The following ITGA7 variants were observed in gnomAD, a reference collection of about 807,000 sequenced individuals.
ITGA7 encodes integrin alpha-7.
ITGA7 carries 84 observed loss-of-function variants against 131.6 expected under a neutral mutation model. The observed-to-expected ratio is 0.64, with a 90% CI of 0.54 to 0.77. The LOEUF (loss-of-function observed/expected upper bound fraction) is 0.77, where lower values mean the gene tolerates loss of function less well. ITGA7 is among the 30% of genes least tolerant of loss of function. The probability of loss-of-function intolerance (pLI) is 0.00; values close to 1 mark genes in which losing one functional copy is unlikely to be tolerated. For synonymous variants in ITGA7, 548 were observed against 600.7 expected (o/e 0.91, Z 1.28); for missense variants, 1,399 against 1,482.9 (o/e 0.94, Z 0.93).
rs912208525 is a variant in ITGA7 at position 55,698,629 on chromosome 12, G to A, written c.999-53C>T. 8 of 1,612,240 alleles carry A rather than the reference G, an allele frequency of 5.0e-6. No homozygotes were observed. The Admixed American group carries it at 1.2e-4, about 24-fold the overall frequency. ...GGGTCCTCCCTGGCCAGAGGAGCCA[G>A]CAGGAGGCTAAGTGGCCTCAGCCAG... On this transcript the variant is annotated intron_variant, in intron 6 of 24. Coordinates refer to ENST00000257879, the MANE Select transcript of ITGA7 (RefSeq NM_002206.3).
In ITGA7 at chr12:55,700,118, G is replaced by A. The variant is rs528834555; in HGVS notation, c.671-129C>T. 7.2e-5 allele frequency: 102 copies of A among 1,425,328 alleles called. No homozygotes were observed. In the East Asian group the frequency reaches 2.1e-3, roughly 30 times the overall value. 88.3% of individuals were successfully genotyped at this position (1,425,328 alleles called of 1,614,324 possible). On this transcript the variant is annotated intron_variant, in intron 4 of 24. Transcript: ENST00000257879. ...GAGGTGGAGAGAGAAAAAGAGACCA[G>A]AGAGATCACAGCCAGAGACAGAAAG...
upstream of ITGA7, among the ~76,000 whole-genome samples, chr12:55,710,729 C>CT (rs1309613235): frequency 4.6e-5 from 7 of 152,204 alleles, no homozygotes; most frequent in African/African-American, 1.7e-4. Flanking sequence ...TGCCACTGCA[C>CT]TCCAGCCTGG....
intron 1 of ITGA7, among the ~76,000 whole-genome samples, chr12:55,706,510 T>C (rs956713339): frequency 1.3e-5 from 2 of 152,122 alleles, no homozygotes; most frequent in Admixed American, 6.5e-5. Flanking sequence ...TAGGCACTGG[T>C]TGAAGAGAGA....
Position 55,699,874 on chromosome 12 carries a change from G to A in ITGA7, c.786C>T (p.Tyr262=). The A allele has an allele frequency of 6.2e-7, 1 of 1,606,118 alleles. No homozygotes were observed. The change falls in exon 5 of 25, where the codon TAC becomes TAT. Residue 262 remains tyrosine, a synonymous_variant. Transcript: ENST00000257879. ...AGGAGGTGGGAGCTTACAAACCTAA[G>A]TAGCTATTGAGGGCCAAGTCTCCGG... ...GPAGDLALNS[Y]LGFSIDSGKG...
intron 2 of ITGA7, 46 bp downstream of exon 2, chr12:55,703,005 C>T: frequency 6.2e-7 from 1 of 1,613,756 alleles, no homozygotes; most frequent in Non-Finnish European, 8.5e-7. Context: ...AAGTCCTCTC[C>T]TCCCCGCTCA....
chr12:55,688,240 A>G lies in ITGA7; in HGVS notation c.3019T>C (p.Ser1007Pro). The change falls in exon 23 of 25, where the codon TCC becomes CCC. Residue 1007 changes from serine (S) to proline (P), a missense_variant. Transcript: ENST00000257879. ...IVRANITVKS[S>P]IKNLMLRDAS... ...TCTCGGAGCATCAAGTTCTTTATGGAGGACTTCACTGTGATGTTGGCCCGG... is the reference window on the plus strand; with the variant it reads ...TCTCGGAGCATCAAGTTCTTTATGGGGGACTTCACTGTGATGTTGGCCCGG... The G allele has an allele frequency of 6.2e-7, 1 of 1,614,122 alleles. No individual in the cohort carries two copies. The highest frequency in any genetic ancestry group is 1.1e-5 in the South Asian group (1 of 91,078).
upstream of ITGA7, among the ~76,000 whole-genome samples, chr12:55,709,646 G>A (rs145991869): frequency 5.7e-3 from 874 of 152,246 alleles, 7 homozygotes; most frequent in African/African-American, 0.02. Flanking sequence ...GCAAAATTAG[G>A]ACAGAACTGG....
At chr12:55,713,173 T>G (rs1002485248), upstream of ITGA7, among the ~76,000 whole-genome samples, 1 of 152,160 alleles carries the variant, frequency 6.6e-6, no homozygotes, top group Non-Finnish European at 1.5e-5. Flanking sequence ...CTGCCTCTAT[T>G]TTGCTTGCTC....
upstream of ITGA7, among the ~76,000 whole-genome samples, chr12:55,713,508 T>C (rs1035441523): frequency 1.3e-5 from 2 of 152,240 alleles, no homozygotes; most frequent in Non-Finnish European, 2.9e-5. Flanking sequence ...ACTAATGAAC[T>C]CTATTACTTA....
rs750909465 is a variant in ITGA7 at position 55,685,298 on chromosome 12, C to T, written c.3184-10G>A. The T allele has an allele frequency of 2.5e-6, 4 of 1,613,344 alleles. No homozygotes were observed. The African/African-American group carries it at 5.3e-5, about 22-fold the overall frequency. ...GTTTGAAGAATCCCATCTATAAGGA[C>T]ACCAGGCCAGACCATGAGGAGCCTG... On this transcript the variant is annotated splice_polypyrimidine_tract_variant and intron_variant, in intron 24 of 24. Coordinates refer to ENST00000257879, the MANE Select transcript of ITGA7 (RefSeq NM_002206.3).
At chr12:55,700,482 C>A in intron 4 of ITGA7, 1 of 1,471,216 alleles carries the variant, frequency 6.8e-7, no homozygotes, top group Non-Finnish European at 9.2e-7. Context: ...CACGGGGAAG[C>A]CCTGCCTCTT....
chr12:55,698,620 G>C, intron 6 of ITGA7, 44 bp from the exon 7 acceptor site: 1 of 1,613,478 alleles, frequency 6.2e-7, no homozygotes, highest in Non-Finnish European at 8.5e-7. Flanking sequence ...TCCCTGGCCA[G>C]AGGAGCCAGC....
intron 21 of ITGA7, among the ~76,000 whole-genome samples, chr12:55,692,255 A>G (rs1282566338): frequency 6.6e-6 from 1 of 152,154 alleles, no homozygotes; most frequent in African/African-American, 2.4e-5. Context: ...CGTCTCTACT[A>G]AAAATACAAA....
upstream of ITGA7, chr12:55,716,146 G>T (rs774864830): frequency 4.3e-6 from 7 of 1,611,938 alleles, no homozygotes; most frequent in Admixed American, 6.7e-5. Flanking sequence ...ATGCTGTCCC[G>T]CCTCCTAAAA....
upstream of ITGA7, chr12:55,716,321 G>A: frequency 6.7e-7 from 1 of 1,494,982 alleles, no homozygotes; most frequent in Non-Finnish European, 8.9e-7. Context: ...CGGGCATGGG[G>A]GAGAGGGAAT....
chr12:55,693,004 T>G, intron 20 of ITGA7, 29 bp from the exon 21 acceptor site: 1 of 1,613,810 alleles, frequency 6.2e-7, no homozygotes, highest in Non-Finnish European at 8.5e-7. Context: ...TCTTAGTGAG[T>G]GTCCCTCCAA....
In ITGA7 at chr12:55,697,203, G is replaced by A; in HGVS notation, c.1567+13C>T. 1 of 1,592,572 alleles carries A rather than the reference G, an allele frequency of 6.3e-7. No individual in the cohort carries two copies. On this transcript the variant is annotated intron_variant, in intron 11 of 24. Coordinates refer to ENST00000257879, the MANE Select transcript of ITGA7 (RefSeq NM_002206.3). Reference sequence around the variant, plus strand: ...CCCAAAAGGGCGAGCCACAGAGGGGGGACCGCACTCACCCACAGTAGGGCT... The same window carrying A: ...CCCAAAAGGGCGAGCCACAGAGGGGAGACCGCACTCACCCACAGTAGGGCT...
rs748061315 is a variant in ITGA7 at position 55,698,885 on chromosome 12, G to A, written c.823C>T (p.Arg275Cys). 2.2e-5 allele frequency: 35 copies of A among 1,613,416 alleles called. No individual in the cohort carries two copies. The highest frequency in any genetic ancestry group is 5.3e-5 in the African/African-American group (4 of 74,894). ...FSIDSGKGLV[R>C]AEELSFVAGA... ...GCCACAAAGCTCAGCTCTTCTGCAC[G>A]CACCAGACCTTTCCCCGAGTCAATA... Residue 275 changes from arginine to cysteine, a missense_variant, in exon 6 of 25, where the codon CGT becomes TGT. By Grantham distance (180) the Arg-to-Cys change is radical. Transcript: ENST00000257879.
At chr12:55,710,742 G>A (rs1876025776), upstream of ITGA7, among the ~76,000 whole-genome samples, 1 of 152,190 alleles carries the variant, frequency 6.6e-6, no homozygotes, top group Non-Finnish European at 1.5e-5. Flanking sequence ...CAGCCTGGGT[G>A]ATAGAGTGAG....
Sources: gnomAD v4.1 joint callset for allele counts (sites outside exome capture counted in the v4.1 genomes callset) on GRCh38, gnomAD v4.1.1 for gene constraint, MANE v1.5 for transcripts, NCBI Gene and HGNC (gene_info 2026-07-23, HGNC 2026-07-21) for gene names.